The following CELF2 variants were observed in gnomAD, a reference collection of about 807,000 sequenced individuals.
The protein encoded by CELF2 is CUG triplet repeat RNA-binding protein 2.
Under a neutral mutation model 62.6 loss-of-function variants are expected in CELF2, and 8 were observed. The ratio of observed to expected loss-of-function variants is 0.13; its 90% CI spans 0.07 to 0.23. The LOEUF (loss-of-function observed/expected upper bound fraction) is 0.23. Among genes scored for constraint, CELF2 ranks in the 10% least tolerant of loss-of-function variants. The pLI is 1.00. For synonymous variants in CELF2, 258 were observed against 250.0 expected (o/e 1.03, Z -0.30); for missense variants, 333 against 671.0 (o/e 0.50, Z 5.56).
the CELF2 span, among the ~76,000 whole-genome samples, chr10:10,733,756 A>G: frequency 6.6e-6 from 1 of 152,186 alleles, no homozygotes; most frequent in Non-Finnish European, 1.5e-5. Flanking sequence ...TGAGAACAAT[A>G]TGAGGGAACC....
Position 10,934,493 on chromosome 10 carries a change from A to G in CELF2, c.89+14494A>G, listed in dbSNP as rs2066426911. 1 of 152,248 alleles carries G rather than the reference A, an allele frequency of 6.6e-6. No individual in the cohort carries two copies. The allele number at this position is 152,248 out of a possible 1,614,324, so 9.4% of individuals were successfully genotyped here. On this transcript the variant is annotated intron_variant, in intron 2 of 13. Coordinates refer to the CELF2 transcript ENST00000636488. This position sits in a 1 kb window ranked among gnomAD's most constrained non-coding sequence, Gnocchi z 4.4. ...ATGAACAAGACTGCTCATTGTAGAAACAAAAACGAAATAGTTGATTACAGA... is the reference window on the plus strand; with the variant it reads ...ATGAACAAGACTGCTCATTGTAGAAGCAAAAACGAAATAGTTGATTACAGA...
At chr10:10,770,664 C>A in the CELF2 span, among the ~76,000 whole-genome samples, 2 of 152,096 alleles carry the variant, frequency 1.3e-5, no homozygotes, top group Non-Finnish European at 2.9e-5. Flanking sequence ...CCCCACCCCC[C>A]ACTCCTCACC....
chr10:11,314,450 C>A lies in CELF2; in HGVS notation c.1096+192C>A. ...TTTTGCCTCAGAAAATCCCCAACCA[C>A]TCTCCACCCCCAGATTCTCTTCAGT... is the stretch of plus-strand genomic sequence containing the variant. On this transcript the variant is annotated intron_variant, in intron 10 of 12. Coordinates refer to ENST00000633077, the MANE Select transcript of CELF2 (RefSeq NM_001326342.2). The surrounding 1 kb of genome is among the most constrained non-coding windows in gnomAD (Gnocchi z 5.3). 1 of 693,636 alleles carries A rather than the reference C, an allele frequency of 1.4e-6. No individual in the cohort carries two copies. The highest frequency in any genetic ancestry group is 2.6e-6 in the Non-Finnish European group (1 of 389,118). 43.0% of individuals were successfully genotyped at this position (693,636 alleles called of 1,614,324 possible).
At chr10:10,841,296 C>T (rs997663813) in intron 1 of CELF2, among the ~76,000 whole-genome samples, 5 of 151,120 alleles carry the variant, frequency 3.3e-5, no homozygotes, top group Non-Finnish European at 5.9e-5. Flanking sequence ...TCTAAAAGGT[C>T]CAAATTGTCA....
At chr10:10,749,159 C>T in the CELF2 span, among the ~76,000 whole-genome samples, 6 of 152,188 alleles carry the variant, frequency 3.9e-5, no homozygotes, top group East Asian at 1.9e-4. Context: ...TTGTATTATT[C>T]GTCTAGAAAT....
At chr10:10,962,542 G>A (rs763596332) in intron 2 of CELF2, among the ~76,000 whole-genome samples, 19 of 152,222 alleles carry the variant, frequency 1.2e-4, no homozygotes, top group Admixed American at 2.6e-4. Flanking sequence ...GAGCAGCAGA[G>A]CAAGACCCCA....
At chr10:10,812,570 T>A (rs995690826) in intron 1 of CELF2, among the ~76,000 whole-genome samples, 1 of 152,214 alleles carries the variant, frequency 6.6e-6, no homozygotes, top group Non-Finnish European at 1.5e-5. Flanking sequence ...GGATAGGGAC[T>A]GTCTGTTCAG....
the CELF2 span, chr10:10,776,149 C>T: frequency 3.9e-5 from 6 of 153,012 alleles, no homozygotes; most frequent in Non-Finnish European, 5.9e-5. Flanking sequence ...GTGCAGTTTA[C>T]TAAGCATGCC....
chr10:10,626,754 T>C, the CELF2 span, among the ~76,000 whole-genome samples: 1 of 152,236 alleles, frequency 6.6e-6, no homozygotes, highest in African/African-American at 2.4e-5. Context: ...ACGTGCTTGC[T>C]TCTGTGTATT....
chr10:11,295,256 T>A (rs2093031497), intron 9 of CELF2, among the ~76,000 whole-genome samples: 1 of 152,208 alleles, frequency 6.6e-6, no homozygotes. Context: ...TCTGTGTGCC[T>A]GGAACTGTTC....
intron 2 of CELF2, among the ~76,000 whole-genome samples, chr10:10,932,084 A>C (rs1438734076): frequency 6.6e-6 from 1 of 152,194 alleles, no homozygotes; most frequent in Non-Finnish European, 1.5e-5. Flanking sequence ...GGGTGGGGAC[A>C]CAGCCAGAAC....
intron 9 of CELF2, among the ~76,000 whole-genome samples, chr10:11,310,738 C>A (rs909835509): frequency 6.6e-6 from 1 of 151,660 alleles, no homozygotes; most frequent in Non-Finnish European, 1.5e-5. Flanking sequence ...GATGCAGTCC[C>A]TAGAAAATAC....
the CELF2 span, among the ~76,000 whole-genome samples, chr10:10,477,958 A>G: frequency 6.6e-6 from 1 of 152,174 alleles, no homozygotes; most frequent in Non-Finnish European, 1.5e-5. Flanking sequence ...TATCTGTAAT[A>G]CAATTTAATG....
the CELF2 span, among the ~76,000 whole-genome samples, chr10:10,472,024 A>AT: frequency 5.3e-5 from 8 of 149,842 alleles, no homozygotes; most frequent in Middle Eastern, 3.4e-3. Context: ...TGAATTCAAG[A>AT]TTTTTTTTTC....
chr10:10,600,382 A>T, the CELF2 span, among the ~76,000 whole-genome samples: 3 of 152,364 alleles, frequency 2.0e-5, 1 homozygote, highest in South Asian at 6.2e-4. Context: ...AACATGTGCC[A>T]TTGCCATTCT....
chr10:10,856,018 G>T (rs1319233163), intron 1 of CELF2, among the ~76,000 whole-genome samples: 3 of 152,116 alleles, frequency 2.0e-5, no homozygotes, highest in African/African-American at 4.8e-5. Flanking sequence ...GGGAAGAAAA[G>T]AACTAAATTT....
chr10:11,278,708 G>A (rs907985605), intron 8 of CELF2, among the ~76,000 whole-genome samples: 3 of 152,060 alleles, frequency 2.0e-5, no homozygotes, highest in African/African-American at 4.8e-5. Flanking sequence ...ACTACATTAC[G>A]GTTGGAAAAA....
At chr10:10,937,121 C>CTTTTTTTTTTTT (rs373143426) in intron 2 of CELF2, among the ~76,000 whole-genome samples, 1 of 90,518 alleles carries the variant, frequency 1.1e-5, no homozygotes, top group African/African-American at 5.1e-5. Context: ...TTTTTCTTTT[C>CTTTTTTTTTTTT]TTTTTTTTTT....
At chr10:10,886,671 T>C (rs2061770593) in intron 1 of CELF2, among the ~76,000 whole-genome samples, 2 of 152,096 alleles carry the variant, frequency 1.3e-5, no homozygotes, top group Non-Finnish European at 2.9e-5. Context: ...ACACCATCTC[T>C]GCAAAAAATA....
Sources: gnomAD v4.1 joint callset for allele counts (sites outside exome capture counted in the v4.1 genomes callset) on GRCh38, gnomAD v4.1.1 for gene constraint, Gnocchi (gnomAD v3.1) non-coding constraint, MANE v1.5 for transcripts, NCBI Gene and HGNC (gene_info 2026-07-23, HGNC 2026-07-21) for gene names.